Variants in RABGEF1 observed in about 807,000 individuals in gnomAD.
The protein encoded by RABGEF1 is RAB guanine nucleotide exchange factor 1, also known as rab5 GDP/GTP exchange factor.
A neutral mutation model predicts 57.3 loss-of-function variants in RABGEF1; 26 were observed. The observed-to-expected ratio is 0.45, with a 90% CI of 0.33 to 0.63. The LOEUF (loss-of-function observed/expected upper bound fraction) is 0.63, where lower values mean the gene tolerates loss of function less well. Among genes scored for constraint, RABGEF1 ranks in the 20% least tolerant of loss-of-function variants. The pLI, the probability that RABGEF1 is intolerant of heterozygous loss-of-function variation, is 0.02. For synonymous variants in RABGEF1, 185 were observed against 210.7 expected, an observed-to-expected ratio of 0.88 and a Z score of 1.06; for missense variants, 464 against 607.6, an observed-to-expected ratio of 0.76 and a Z score of 2.48.
At chr7:66,804,670 G>A (rs1788029305) in intron 7 of RABGEF1, among the ~76,000 whole-genome samples, 1 of 151,416 alleles carries the variant, frequency 6.6e-6, no homozygotes, top group African/African-American at 2.4e-5. Flanking sequence ...AGGAGGCGGA[G>A]GTTGCAGTGA....
chr7:66,728,462 C>G (rs898688241), intron 2 of RABGEF1, among the ~76,000 whole-genome samples: 1 of 152,126 alleles, frequency 6.6e-6, no homozygotes, highest in African/African-American at 2.4e-5. Flanking sequence ...TCTGCTTGTT[C>G]CTGTTCCCAC....
the RABGEF1 span, among the ~76,000 whole-genome samples, chr7:66,658,812 T>C: frequency 6.6e-6 from 1 of 152,098 alleles, no homozygotes; most frequent in African/African-American, 2.4e-5. Flanking sequence ...CTTGGCTCAC[T>C]GCAAGCTCTG....
intron 2 of RABGEF1, among the ~76,000 whole-genome samples, chr7:66,722,569 G>T (rs1796167246): frequency 6.6e-6 from 1 of 152,216 alleles, no homozygotes; most frequent in East Asian, 1.9e-4. Context: ...TTTAGGTGTT[G>T]TATCTAAGAA....
At chr7:66,705,376 G>T (rs928294556) in intron 1 of RABGEF1, among the ~76,000 whole-genome samples, 1 of 149,386 alleles carries the variant, frequency 6.7e-6, no homozygotes, top group Non-Finnish European at 1.5e-5. Context: ...GGCAAAGGTT[G>T]CAGTGAGCTG....
intron 1 of RABGEF1, among the ~76,000 whole-genome samples, chr7:66,710,581 G>C (rs970862924): frequency 2.6e-5 from 4 of 152,136 alleles, no homozygotes; most frequent in Non-Finnish European, 4.4e-5. Flanking sequence ...CCATTCTAAG[G>C]AGGTGTTTAG....
intron 4 of RABGEF1, among the ~76,000 whole-genome samples, chr7:66,784,250 T>A (rs1253675458): frequency 6.6e-6 from 1 of 152,208 alleles, no homozygotes; most frequent in Non-Finnish European, 1.5e-5. Context: ...TGATTTTGAA[T>A]TTTTTCATTC....
intron 2 of RABGEF1, 95 bp downstream of exon 2, chr7:66,772,173 C>A: frequency 9.7e-7 from 1 of 1,033,372 alleles, no homozygotes; most frequent in Non-Finnish European, 1.3e-6. Context: ...CTGCTTTGAG[C>A]TATCAGCAAG....
At chr7:66,723,685 A>G (rs1796287403) in intron 2 of RABGEF1, among the ~76,000 whole-genome samples, 1 of 151,714 alleles carries the variant, frequency 6.6e-6, no homozygotes, top group Non-Finnish European at 1.5e-5. Context: ...GGTTCAAGTG[A>G]TTCTCCTGCC....
chr7:66,768,644 T>C (rs1280059294), intron 1 of RABGEF1, among the ~76,000 whole-genome samples: 1 of 152,000 alleles, frequency 6.6e-6, no homozygotes, highest in African/African-American at 2.4e-5. Context: ...ATATATGTGC[T>C]GATCTGAGAC....
chr7:66,806,922 G>T (rs182320307), intron 8 of RABGEF1, among the ~76,000 whole-genome samples: 193 of 152,248 alleles, frequency 1.3e-3, no homozygotes, highest in Admixed American at 2.2e-3. Context: ...GGGATTACAG[G>T]CATGAGCCAC....
At chr7:66,790,598 C>T (rs1249105131) in intron 4 of RABGEF1, among the ~76,000 whole-genome samples, 1 of 152,216 alleles carries the variant, frequency 6.6e-6, no homozygotes, top group African/African-American at 2.4e-5. Context: ...GGAAGCTTAG[C>T]TGCCTCTTAC....
intron 2 of RABGEF1, among the ~76,000 whole-genome samples, chr7:66,714,774 A>G (rs1795175979): frequency 6.6e-6 from 1 of 152,170 alleles, no homozygotes; most frequent in Admixed American, 6.6e-5. Context: ...TCTCTACTAA[A>G]AATACAAAAA....
chr7:66,722,189 C>A (rs1441411877), intron 2 of RABGEF1, among the ~76,000 whole-genome samples: 1 of 152,104 alleles, frequency 6.6e-6, no homozygotes, highest in African/African-American at 2.4e-5. Flanking sequence ...CGCCTGTAAT[C>A]CCAGCACTCT....
At chr7:66,737,483 A>G (rs1294146361), upstream of RABGEF1, among the ~76,000 whole-genome samples, 4 of 151,990 alleles carry the variant, frequency 2.6e-5, no homozygotes, top group African/African-American at 9.7e-5. Flanking sequence ...GTACCTTTAG[A>G]TCCGGATTTC....
the RABGEF1 span, among the ~76,000 whole-genome samples, chr7:66,666,505 C>A: frequency 1.3e-5 from 2 of 152,158 alleles, no homozygotes; most frequent in Non-Finnish European, 2.9e-5. Context: ...CCGCACACCC[C>A]CTCTGTGCCA....
chr7:66,696,689 CAAAAAAAAA>C (rs71049476), intron 1 of RABGEF1, among the ~76,000 whole-genome samples: 1 of 66,330 alleles, frequency 1.5e-5, no homozygotes, highest in African/African-American at 6.6e-5. Context: ...GACTCCGTCT[CAAAAAAAAA>C]AAAAAAAAAA....
rs559936054 is a variant in RABGEF1 at position 66,694,174 on chromosome 7, A to G, written c.-873+11916A>G. ...CAGAGAGAGCAGAAGGATCAGGCACATCCTTGCTCTCAAAGAGGTCCCAAT... is the reference window on the plus strand; with the variant it reads ...CAGAGAGAGCAGAAGGATCAGGCACGTCCTTGCTCTCAAAGAGGTCCCAAT... On this transcript the variant is annotated intron_variant and NMD_transcript_variant, in intron 1 of 9. Coordinates refer to the RABGEF1 transcript ENST00000607882. Among the ~76,000 whole-genome samples, 9 of 152,346 alleles carry G rather than the reference A, an allele frequency of 5.9e-5. No homozygotes were observed. The South Asian group carries it at 1.4e-3, about 25-fold the overall frequency.
At chr7:66,694,688 G>C (rs561867605) in intron 1 of RABGEF1, among the ~76,000 whole-genome samples, 4 of 152,340 alleles carry the variant, frequency 2.6e-5, no homozygotes, top group African/African-American at 9.6e-5. Context: ...AGTGGCAGTA[G>C]GGAGAGAATG....
chr7:66,706,724 ATTTTCTAATTTACCTTATGAT>A lies in RABGEF1; in HGVS notation c.-872-5426_-872-5406del, dbSNP rs553769487. 2.5e-3 allele frequency among the ~76,000 whole-genome samples: 351 copies of A among 138,950 alleles called. 1 individual carries two copies. The highest frequency in any genetic ancestry group is 3.7e-3 in the Non-Finnish European group (238 of 64,722). The allele number at this position is 138,950 out of a possible 152,430, so 91.2% of individuals were successfully genotyped here. On this transcript the variant is annotated intron_variant and NMD_transcript_variant, in intron 1 of 9. Transcript: ENST00000607882. ...CCACCGCGCCTAGCTGACTCAAAAT[ATTTTCTAATTTACCTTATGAT>A]TTTTCTAATTTACCTTCTTCTTTGA...
Sources: gnomAD v4.1 joint callset for allele counts (sites outside exome capture counted in the v4.1 genomes callset) on GRCh38, gnomAD v4.1.1 for gene constraint, MANE v1.5 for transcripts, NCBI Gene and HGNC (gene_info 2026-07-23, HGNC 2026-07-21) for gene names.